Variants in MICAL2 observed in about 807,000 individuals in gnomAD.
MICAL2 encodes the protein [F-actin]-monooxygenase MICAL2.
Under a neutral mutation model 127.3 loss-of-function variants are expected in MICAL2, and 77 were observed. The observed-to-expected ratio is 0.60, with a 90% CI of 0.50 to 0.73. MICAL2 has a LOEUF of 0.73. Ranked by LOEUF, MICAL2 falls within the 30% of genes least tolerant of loss-of-function variation. The probability of loss-of-function intolerance (pLI) is 0.00; values close to 1 mark genes in which losing one functional copy is unlikely to be tolerated. For missense variants in MICAL2, 1,351 were observed against 1,434.4 expected (o/e 0.94, Z 0.94); for synonymous variants, 570 against 551.1 (o/e 1.03, Z -0.48).
chr11:12,110,773 C>G lies in MICAL2; in HGVS notation c.-149+47C>G, dbSNP rs1849534499. On this transcript the variant is annotated intron_variant, in intron 1 of 27. Transcript: ENST00000683283. This position sits in a 1 kb window ranked among gnomAD's most constrained non-coding sequence, Gnocchi z 4.5. ...CCTCAGGGTGGGGAGGGCGGGCGGG[C>G]GCGGGTGGGGACCGTGCCAGCCTCG... 6.6e-6 allele frequency: 1 copy of G among 151,466 alleles called. No individual in the cohort carries two copies. The highest frequency in any genetic ancestry group is 2.4e-5 in the African/African-American group (1 of 41,298). 9.4% of individuals were successfully genotyped at this position (151,466 alleles called of 1,614,324 possible).
At chr11:12,147,074 C>G (rs11022207) in intron 2 of MICAL2, among the ~76,000 whole-genome samples, 18 of 150,716 alleles carry the variant, frequency 1.2e-4, no homozygotes, top group Non-Finnish European at 2.1e-4. Context: ...GTGGGGGGAG[C>G]AGGGAAGGAT....
At chr11:12,131,480 CCTT>C (rs1053965175) in intron 1 of MICAL2, among the ~76,000 whole-genome samples, 2 of 152,198 alleles carry the variant, frequency 1.3e-5, no homozygotes, top group African/African-American at 2.4e-5. Flanking sequence ...TCAGCACTTT[CCTT>C]CTTCTCTGCC....
chr11:12,312,023 TA>T (rs1425825924), intron 29 of MICAL2, among the ~76,000 whole-genome samples: 1 of 151,214 alleles, frequency 6.6e-6, no homozygotes, highest in Non-Finnish European at 1.5e-5. Flanking sequence ...ATAGTTTATA[TA>T]AAAACAAATT....
chr11:12,234,922 C>T lies in MICAL2; in HGVS notation c.1996-1255C>T, dbSNP rs1858818092. Among the ~76,000 whole-genome samples the T allele has an allele frequency of 3.3e-5, 5 of 152,266 alleles. No homozygotes were observed. In the South Asian group the frequency reaches 1.0e-3, roughly 32 times the overall value. ...CCTGGGTTTGAGGTGAGCAGGTGGC[C>T]TGCAGCACTTCCCCCTGCATCCAAA... On this transcript the variant is annotated intron_variant, in intron 15 of 27. Coordinates refer to ENST00000683283, the MANE Select transcript of MICAL2 (RefSeq NM_001282663.2).
At chr11:12,276,848 G>C (rs766366212) in intron 1 of MICAL2, 13 of 152,214 alleles carry the variant, frequency 8.5e-5, no homozygotes, top group Non-Finnish European at 1.6e-4. Context: ...AGCAAGTTAA[G>C]TAGCTAAACA....
intron 3 of MICAL2, among the ~76,000 whole-genome samples, chr11:12,202,035 G>A (rs935275168): frequency 5.9e-5 from 9 of 152,018 alleles, no homozygotes; most frequent in Admixed American, 2.6e-4. Context: ...GGCAGGAGAA[G>A]CACTTGAACC....
At chr11:12,215,016 T>C (rs1855966031) in intron 7 of MICAL2, among the ~76,000 whole-genome samples, 1 of 152,204 alleles carries the variant, frequency 6.6e-6, no homozygotes, top group Admixed American at 6.5e-5. Context: ...ACCCTCTCAG[T>C]TTCACCTCCA....
chr11:12,260,278 G>A, intron 26 of MICAL2: 3 of 1,431,380 alleles, frequency 2.1e-6, no homozygotes, highest in South Asian at 1.5e-5. Flanking sequence ...CATTCTCTAA[G>A]CAATTAGCTC....
At chr11:12,181,765 G>A (rs1857509726) in intron 3 of MICAL2, among the ~76,000 whole-genome samples, 1 of 152,244 alleles carries the variant, frequency 6.6e-6, no homozygotes, top group Non-Finnish European at 1.5e-5. Flanking sequence ...CTATTATTTT[G>A]TCCTACAGGT....
intron 3 of MICAL2, among the ~76,000 whole-genome samples, chr11:12,194,115 G>A (rs1305358901): frequency 1.3e-5 from 2 of 152,236 alleles, no homozygotes. Context: ...GGAAATGTTT[G>A]TCATTGGGTA....
At chr11:12,304,661 C>CACAT (rs1864088154) in intron 29 of MICAL2, among the ~76,000 whole-genome samples, 1 of 149,276 alleles carries the variant, frequency 6.7e-6, no homozygotes, top group African/African-American at 2.5e-5. Flanking sequence ...CACACACACA[C>CACAT]ACACACACAC....
chr11:12,144,649 G>A (rs564404939), intron 2 of MICAL2, among the ~76,000 whole-genome samples: 1 of 152,198 alleles, frequency 6.6e-6, no homozygotes, highest in Non-Finnish European at 1.5e-5. Context: ...CCATTACCAA[G>A]TAGGCAAATG....
At chr11:12,319,863 C>A in intron 30 of MICAL2, 1 of 1,398,258 alleles carries the variant, frequency 7.2e-7, no homozygotes, top group Non-Finnish European at 1.0e-6. Context: ...GGGCTGCTTA[C>A]CATCCAGATT....
At chr11:12,303,745 G>A (rs1479276830) in intron 29 of MICAL2, 2 of 152,106 alleles carry the variant, frequency 1.3e-5, no homozygotes, top group African/African-American at 4.8e-5. Flanking sequence ...TCATTGATTT[G>A]TAATCTGTAT....
chr11:12,224,573 C>G, intron 12 of MICAL2, 100 bp from the exon 13 acceptor site: 1 of 1,499,922 alleles, frequency 6.7e-7, no homozygotes. Context: ...TGGGGCCGCT[C>G]GTCCTGGTCC....
At chr11:12,348,811 G>GC (rs1439108966) in intron 32 of MICAL2, among the ~76,000 whole-genome samples, 1 of 152,170 alleles carries the variant, frequency 6.6e-6, no homozygotes, top group African/African-American at 2.4e-5. Context: ...GATGATAAGT[G>GC]TATCTACAGA....
Position 12,226,084 on chromosome 11 carries a change from C to T in MICAL2, c.1689-87C>T, listed in dbSNP as rs965840698. On this transcript the variant is annotated intron_variant, in intron 13 of 27. Coordinates refer to ENST00000683283, the MANE Select transcript of MICAL2 (RefSeq NM_001282663.2). ...CCGACACCTGGCAGAGTGTCACCCT[C>T]AGTGCTCCTTACCACCTGAAGGTGC... is the stretch of plus-strand genomic sequence containing the variant. 31 of 1,291,106 alleles carry T rather than the reference C, an allele frequency of 2.4e-5. No individual in the cohort carries two copies. The Admixed American group carries it at 2.9e-4, about 12-fold the overall frequency. The allele number at this position is 1,291,106 out of a possible 1,614,324, so 80.0% of individuals were successfully genotyped here.
chr11:12,165,464 A>G (rs1433058482), intron 3 of MICAL2, among the ~76,000 whole-genome samples: 1 of 152,276 alleles, frequency 6.6e-6, no homozygotes, highest in East Asian at 1.9e-4. Context: ...ATTTGCATAC[A>G]TGTGGCTGAT....
chr11:12,243,370 G>A (rs1030048349), intron 20 of MICAL2: 2 of 152,996 alleles, frequency 1.3e-5, no homozygotes, highest in African/African-American at 4.8e-5. Flanking sequence ...TGCTCAAGAG[G>A]AAATGAAAGA....
Sources: gnomAD v4.1 joint callset for allele counts (sites outside exome capture counted in the v4.1 genomes callset) on GRCh38, gnomAD v4.1.1 for gene constraint, Gnocchi (gnomAD v3.1) non-coding constraint, MANE v1.5 for transcripts, NCBI Gene and HGNC (gene_info 2026-07-23, HGNC 2026-07-21) for gene names.